Variants in CHSY1 observed in about 807,000 individuals in gnomAD.
CHSY1 encodes chondroitin sulfate synthase 1.
Under a neutral mutation model 59.8 loss-of-function variants are expected in CHSY1, and 13 were observed. The ratio of observed to expected loss-of-function variants is 0.22; its 90% CI spans 0.14 to 0.35. The LOEUF is 0.35. Among genes scored for constraint, CHSY1 ranks in the 10% least tolerant of loss-of-function variants. CHSY1 has a pLI of 1.00. For synonymous variants in CHSY1, 459 were observed against 401.2 expected, an observed-to-expected ratio of 1.14 and a Z score of -1.72; for missense variants, 947 against 1,030.6, an observed-to-expected ratio of 0.92 and a Z score of 1.11.
intron 2 of CHSY1, among the ~76,000 whole-genome samples, chr15:101,180,858 TC>T (rs1357910138): frequency 3.9e-5 from 6 of 152,216 alleles, no homozygotes; most frequent in African/African-American, 1.4e-4. Flanking sequence ...CTGATGCACT[TC>T]CTGCCCAAAG....
In CHSY1 at chr15:101,176,585, A is replaced by T. The variant is rs775287163; in HGVS notation, c.*803T>A. On this transcript the variant is annotated 3_prime_UTR_variant, in exon 3 of 3. Coordinates refer to ENST00000254190, the MANE Select transcript of CHSY1 (RefSeq NM_014918.5). ...GCCTTCTTCACGCCCCTTGCTTTAA[A>T]ACCTACGTGGCCAGCTGGGCTTGCA... 3.0e-5 allele frequency: 12 copies of T among 394,024 alleles called. No homozygotes were observed. Among genetic ancestry groups the T allele is most frequent in the Non-Finnish European group, 5.4e-5 (12 of 223,836 alleles). The allele number at this position is 394,024 out of a possible 1,614,324, so 24.4% of individuals were successfully genotyped here.
rs143777359 is a variant in CHSY1 at position 101,182,871 on chromosome 15, C to A, written c.817-3891G>T. Reference sequence around the variant, plus strand: ...AATCAACAGTCAAGGATCATCAGGGCAGCTGAAAAAGGGTTCTGAATGGGA... The same window carrying A: ...AATCAACAGTCAAGGATCATCAGGGAAGCTGAAAAAGGGTTCTGAATGGGA... On this transcript the variant is annotated intron_variant, in intron 2 of 2. Transcript: ENST00000254190. Among the ~76,000 whole-genome samples the A allele has an allele frequency of 2.2e-3, 342 of 152,198 alleles. 4 individuals are homozygous for A. Among genetic ancestry groups the A allele is most frequent in the African/African-American group, 7.4e-3 (308 of 41,536 alleles).
At chr15:101,181,602 G>A (rs2038279207) in intron 2 of CHSY1, among the ~76,000 whole-genome samples, 3 of 152,166 alleles carry the variant, frequency 2.0e-5, no homozygotes, top group African/African-American at 7.2e-5. Flanking sequence ...CAGCCCCACT[G>A]GGTCATGCCA....
At chr15:101,205,033 C>A (rs1290699667) in intron 2 of CHSY1, among the ~76,000 whole-genome samples, 1 of 152,180 alleles carries the variant, frequency 6.6e-6, no homozygotes, top group African/African-American at 2.4e-5. Context: ...GTATGGCTAA[C>A]AGATTTCTAA....
chr15:101,221,013 C>G (rs1178854820), intron 2 of CHSY1, among the ~76,000 whole-genome samples: 1 of 152,186 alleles, frequency 6.6e-6, no homozygotes, highest in East Asian at 1.9e-4. Flanking sequence ...GCCGCCTTAT[C>G]ATGCCTGTAT....
Position 101,178,501 on chromosome 15 carries a change from G to C in CHSY1, c.1296C>G (p.Ile432Met), listed in dbSNP as rs373244097. Reference sequence around the variant, plus strand: ...GGTTCACCCGGCGGTAGCCGTACTGGATCTCTTTGAAGTCAATGATGCGCC... The same window carrying C: ...GGTTCACCCGGCGGTAGCCGTACTGCATCTCTTTGAAGTCAATGATGCGCC... ...TRGRIIDFKEIQYGYRRVNPM... is the reference protein window; with the variant it reads ...TRGRIIDFKEMQYGYRRVNPM... The change falls in exon 3 of 3, where the codon ATC becomes ATG. Residue 432 changes from isoleucine to methionine, a missense_variant. Ile to Met is a conservative substitution (Grantham distance 10). Transcript: ENST00000254190. The C allele has an allele frequency of 1.2e-6, 2 of 1,614,120 alleles. No homozygotes were observed. The highest frequency in any genetic ancestry group is 2.7e-5 in the African/African-American group (2 of 74,944).
At chr15:101,235,960 T>G (rs1042066822) in intron 1 of CHSY1, among the ~76,000 whole-genome samples, 3 of 152,178 alleles carry the variant, frequency 2.0e-5, no homozygotes, top group African/African-American at 7.2e-5. Flanking sequence ...CAAAAAATTT[T>G]CTTTGAACCA....
At chr15:101,224,872 A>G (rs938113258) in intron 2 of CHSY1, among the ~76,000 whole-genome samples, 3 of 152,228 alleles carry the variant, frequency 2.0e-5, no homozygotes, top group Non-Finnish European at 4.4e-5. Context: ...TAGTTCAATA[A>G]AGATGATTAA....
chr15:101,210,665 ACTCAG>A (rs1393221316), intron 2 of CHSY1, among the ~76,000 whole-genome samples: 1 of 152,188 alleles, frequency 6.6e-6, no homozygotes, highest in Non-Finnish European at 1.5e-5. Flanking sequence ...CTGATTCAAA[ACTCAG>A]CTCAATATCT....
intron 2 of CHSY1, among the ~76,000 whole-genome samples, chr15:101,202,831 T>C (rs1296163637): frequency 6.6e-6 from 1 of 152,206 alleles, no homozygotes; most frequent in African/African-American, 2.4e-5. Context: ...TAAAAGCCAT[T>C]ATGTAATGGT....
At position 101,251,523 on chromosome 15, in the gene CHSY1, C is replaced by A; in HGVS notation, c.-67G>T. ...GCGCGCCCTCAGCCCGCTGCCCCCG[C>A]CCGCGGAGGCCAGCCCGCCCTAGCG... On this transcript the variant is annotated 5_prime_UTR_variant, in exon 1 of 3. Coordinates refer to ENST00000254190, the MANE Select transcript of CHSY1 (RefSeq NM_014918.5). The A allele has an allele frequency of 3.5e-6, 1 of 284,294 alleles. No homozygotes were observed. Among genetic ancestry groups the A allele is most frequent in the Non-Finnish European group, 5.1e-6 (1 of 197,974 alleles). 17.6% of individuals were successfully genotyped at this position (284,294 alleles called of 1,614,324 possible).
At chr15:101,249,476 T>A (rs1190745374) in intron 1 of CHSY1, among the ~76,000 whole-genome samples, 1 of 149,638 alleles carries the variant, frequency 6.7e-6, no homozygotes, top group Admixed American at 6.6e-5. Context: ...ACTGCACTAG[T>A]CTATGTATCT....
Position 101,217,905 on chromosome 15 carries a change from G to T in CHSY1, c.816+17177C>A, listed in dbSNP as rs111582951. ...CACAGTATGTAAAGGAGGGGAAAGG[G>T]TAACTCTGCAGTGAAGAAACCTGAC... On this transcript the variant is annotated intron_variant, in intron 2 of 2. Transcript: ENST00000254190. Among the ~76,000 whole-genome samples, 193 of 152,264 alleles carry T rather than the reference G, an allele frequency of 1.3e-3. 2 individuals are homozygous for T. Among genetic ancestry groups the T allele is most frequent in the African/African-American group, 4.5e-3 (185 of 41,546 alleles).
At chr15:101,242,530 T>C (rs560835552) in intron 1 of CHSY1, 19 of 152,524 alleles carry the variant, frequency 1.2e-4, no homozygotes, top group African/African-American at 4.3e-4. Context: ...CCAAGGTCAA[T>C]GATGGAGGTA....
chr15:101,251,270 C>G lies in CHSY1; in HGVS notation c.187G>C (p.Gly63Arg). ...AAASQAGGAR[G>R]DARGAQLWPP... ...CAGAGCTGCGCCCCGCGCGCATCGCCGCGCGCCCCGCCGGCCTGGGAAGCC... is the reference window on the plus strand; with the variant it reads ...CAGAGCTGCGCCCCGCGCGCATCGCGGCGCGCCCCGCCGGCCTGGGAAGCC... Residue 63 changes from glycine (G) to arginine (R), a missense_variant, in exon 1 of 3, where the codon GGC (glycine) becomes CGC (arginine). Around this residue, in one of 4 missense-constraint regions of CHSY1, gnomAD observed 232 missense variants for 188.5 expected, o/e 1.23. Transcript: ENST00000254190. 1 of 1,323,158 alleles carries G rather than the reference C, an allele frequency of 7.6e-7. No individual in the cohort carries two copies. Among genetic ancestry groups the G allele is most frequent in the Non-Finnish European group, 9.6e-7 (1 of 1,038,844 alleles). 82.0% of individuals were successfully genotyped at this position (1,323,158 alleles called of 1,614,324 possible).
chr15:101,251,351 G>T lies in CHSY1; in HGVS notation c.106C>A (p.Arg36=). Residue 36 remains arginine, a synonymous_variant, in exon 1 of 3, where the codon CGA becomes AGA. Coordinates refer to ENST00000254190, the MANE Select transcript of CHSY1 (RefSeq NM_014918.5). The part of the protein sequence containing the change: ...LVLPRASELK[R]AGPRRRASPE... ...CTGGCGCGGCGCCGTGGGCCCGCTCGCTTCAGCTCGGAAGCCCGGGGCAGG... is the reference window on the plus strand; with the variant it reads ...CTGGCGCGGCGCCGTGGGCCCGCTCTCTTCAGCTCGGAAGCCCGGGGCAGG... 1 of 1,145,126 alleles carries T rather than the reference G, an allele frequency of 8.7e-7. No homozygotes were observed. The highest frequency in any genetic ancestry group is 1.8e-5 in the South Asian group (1 of 54,506). 70.9% of individuals were successfully genotyped at this position (1,145,126 alleles called of 1,614,324 possible).
intron 2 of CHSY1, chr15:101,189,503 C>CG: frequency 1.0e-6 from 1 of 984,960 alleles, no homozygotes. Flanking sequence ...CCAGTGCAGC[C>CG]GGGTTTAAAG....
chr15:101,250,030 C>T (rs2039090960), intron 1 of CHSY1, among the ~76,000 whole-genome samples: 1 of 152,210 alleles, frequency 6.6e-6, no homozygotes, highest in African/African-American at 2.4e-5. Context: ...ACCATATATG[C>T]TTTTCCCCTC....
intron 2 of CHSY1, among the ~76,000 whole-genome samples, chr15:101,219,941 A>AG (rs1306114160): frequency 6.6e-6 from 1 of 152,060 alleles, no homozygotes; most frequent in Non-Finnish European, 1.5e-5. Flanking sequence ...TAATTTTGTG[A>AG]GGGGGTTTCT....
Sources: gnomAD v4.1 joint callset for allele counts (sites outside exome capture counted in the v4.1 genomes callset) on GRCh38, gnomAD v4.1.1 for gene constraint, gnomAD v4.1.1 regional missense constraint, MANE v1.5 for transcripts, NCBI Gene and HGNC (gene_info 2026-07-23, HGNC 2026-07-21) for gene names.